Variants in CAPN5 observed in about 807,000 individuals in gnomAD.
CAPN5 encodes calpain-5.
CAPN5 carries 54 observed loss-of-function variants against 73.0 expected under a neutral mutation model. The ratio of observed to expected loss-of-function variants is 0.74; its 90% CI spans 0.59 to 0.93. The LOEUF is 0.93. Ranked by LOEUF, CAPN5 falls within the 40% of genes least tolerant of loss-of-function variation. The pLI is 0.00. For missense variants in CAPN5, 785 were observed against 882.9 expected (o/e 0.89, Z 1.41); for synonymous variants, 335 against 356.9 (o/e 0.94, Z 0.69).
intron 3 of CAPN5, among the ~76,000 whole-genome samples, chr11:77,105,012 G>A (rs971991058): frequency 3.3e-5 from 5 of 152,020 alleles, no homozygotes; most frequent in South Asian, 2.1e-4. Context: ...AAGAAGTCTC[G>A]GCCATTGCCT....
intron 3 of CAPN5, among the ~76,000 whole-genome samples, chr11:77,101,780 A>G (rs1332548378): frequency 6.6e-6 from 1 of 152,018 alleles, no homozygotes; most frequent in Non-Finnish European, 1.5e-5. Flanking sequence ...CTCCGGCTCC[A>G]CTCACACTCC....
intron 2 of CAPN5, among the ~76,000 whole-genome samples, chr11:77,086,917 G>A (rs1360041131): frequency 6.6e-6 from 1 of 152,182 alleles, no homozygotes; most frequent in Non-Finnish European, 1.5e-5. Context: ...TGCCCTTTCT[G>A]AGCCCCTTTC....
In CAPN5 at chr11:77,102,874, A is replaced by C. The variant is rs781885739; in HGVS notation, c.297+9061A>C. ...GACAGGCCGCAGCAGCCGCAGCTGGACATGCCGCTGGTCCTGGACCAGGGC... is the reference window on the plus strand; with the variant it reads ...GACAGGCCGCAGCAGCCGCAGCTGGCCATGCCGCTGGTCCTGGACCAGGGC... On this transcript the variant is annotated intron_variant, in intron 3 of 12. Transcript: ENST00000648180. 4 of 1,608,916 alleles carry C rather than the reference A, an allele frequency of 2.5e-6. No individual in the cohort carries two copies. In the African/African-American group the frequency reaches 5.3e-5, roughly 21 times the overall value.
In CAPN5 at chr11:77,124,038, G is replaced by A. The variant is rs1193449267; in HGVS notation, c.*168G>A. 2.2e-5 allele frequency: 14 copies of A among 645,570 alleles called. No homozygotes were observed. Among genetic ancestry groups the A allele is most frequent in the African/African-American group, 3.7e-5 (2 of 54,656 alleles). 40.0% of individuals were successfully genotyped at this position (645,570 alleles called of 1,614,324 possible). A position where few individuals can be genotyped will look rare whatever the true frequency, so the allele number is the denominator to read the frequency against. On this transcript the variant is annotated 3_prime_UTR_variant, in exon 13 of 13. Transcript: ENST00000648180. ...GCCCCTCTCTCAGCCTCAGTGTCCC[G>A]AGGGCCCCGAAGCATTCCATTCTCG...
chr11:77,114,825 T>A lies in CAPN5; in HGVS notation c.699+391T>A, dbSNP rs370852763. ...CAGCAAAGTAAAAAGCCCCGGTTTG[T>A]AGCATTTGCTAATTACTGTGGTGTA... On this transcript the variant is annotated intron_variant, in intron 5 of 12. Transcript: ENST00000648180. Among the ~76,000 whole-genome samples, 6 of 152,318 alleles carry A rather than the reference T, an allele frequency of 3.9e-5. No homozygotes were observed. In the East Asian group the frequency reaches 5.8e-4, roughly 15 times the overall value.
chr11:77,096,583 A>G (rs1324253071), intron 3 of CAPN5, among the ~76,000 whole-genome samples: 1 of 152,174 alleles, frequency 6.6e-6, no homozygotes, highest in Non-Finnish European at 1.5e-5. Flanking sequence ...TTGATGGTAC[A>G]TTCCCTGAGG....
At chr11:77,122,071 C>A (rs782553221) in intron 11 of CAPN5, 22 bp downstream of exon 11, 87 of 1,400,072 alleles carry the variant, frequency 6.2e-5, no homozygotes, top group Middle Eastern at 2.2e-4. Flanking sequence ...CAGGGAGAGT[C>A]CCCCGGCCCT....
chr11:77,084,371 A>G (rs1281883963), intron 1 of CAPN5, among the ~76,000 whole-genome samples: 1 of 152,288 alleles, frequency 6.6e-6, no homozygotes, highest in East Asian at 1.9e-4. Flanking sequence ...GAGAGAATGA[A>G]TGAATGATGC....
chr11:77,102,710 A>G, intron 3 of CAPN5: 1 of 1,099,004 alleles, frequency 9.1e-7, no homozygotes, highest in Non-Finnish European at 1.3e-6. Context: ...GGGAAGAGCC[A>G]GTGGCAAAGG....
intron 3 of CAPN5, chr11:77,102,993 G>C: frequency 1.2e-6 from 2 of 1,613,492 alleles, no homozygotes; most frequent in Non-Finnish European, 1.7e-6. Flanking sequence ...AGCGGAGTCT[G>C]TGTACCGCCT....
intron 5 of CAPN5, 30 bp downstream of exon 5, chr11:77,114,464 C>A (rs782083101): frequency 6.3e-7 from 1 of 1,591,596 alleles, no homozygotes; most frequent in Non-Finnish European, 8.6e-7. Context: ...CAGAGGCGAC[C>A]CCTCCCCTTC....
intron 8 of CAPN5, 93 bp downstream of exon 8, chr11:77,118,445 A>G: frequency 9.1e-7 from 1 of 1,101,546 alleles, no homozygotes; most frequent in Non-Finnish European, 1.3e-6. Context: ...ACCTTGGGTA[A>G]TCCCTGTCCT....
At chr11:77,097,464 GTTTTT>G (rs58077755) in intron 3 of CAPN5, among the ~76,000 whole-genome samples, 214 of 79,738 alleles carry the variant, frequency 2.7e-3, no homozygotes, top group African/African-American at 9.7e-3. Flanking sequence ...TTTCCTTCTA[GTTTTT>G]TTTTTTTTTT....
chr11:77,069,507 AAAG>A (rs1949880060), intron 1 of CAPN5, among the ~76,000 whole-genome samples: 1 of 152,116 alleles, frequency 6.6e-6, no homozygotes, highest in Non-Finnish European at 1.5e-5. Context: ...GCTTCCCCCA[AAAG>A]CTTCTAGCCC....
intron 2 of CAPN5, 76 bp downstream of exon 2, chr11:77,085,127 G>A (rs1045315223): frequency 2.2e-4 from 290 of 1,343,090 alleles, no homozygotes; most frequent in Non-Finnish European, 2.9e-4. Flanking sequence ...CAGGGACATC[G>A]GGGTGGTGGG....
rs1950524925 is a variant in CAPN5 at position 77,122,045 on chromosome 11, A to C, written c.1599A>C (p.Pro533=). The C allele has an allele frequency of 5.2e-6, 8 of 1,543,310 alleles. No homozygotes were observed. The highest frequency in any genetic ancestry group is 7.0e-6 in the Non-Finnish European group (8 of 1,141,810). ...GAGCTGCTGGCCTCAAGGACTCCCC[A>C]ACAGGTGAGCTCTCCCAGGGAGAGT... is the stretch of plus-strand genomic sequence containing the variant. The part of the protein sequence containing the change: ...VLGAAGLKDS[P]TGANSYVIIK... Residue 533 remains proline, a synonymous_variant, in exon 11 of 13, where the codon CCA becomes CCC. Transcript: ENST00000648180.
intron 3 of CAPN5, 151 bp from the exon 4 acceptor site, chr11:77,112,438 C>G: frequency 1.5e-6 from 1 of 652,692 alleles, no homozygotes; most frequent in Non-Finnish European, 2.7e-6. Flanking sequence ...AGGATTCATC[C>G]GGGTCTCACG....
At chr11:77,099,630 A>G (rs1422306074) in intron 3 of CAPN5, among the ~76,000 whole-genome samples, 4 of 150,266 alleles carry the variant, frequency 2.7e-5, no homozygotes, top group African/African-American at 9.8e-5. Flanking sequence ...GAGGCAGGAG[A>G]ATCAGGCAGG....
chr11:77,070,570 G>A (rs1333532999), intron 1 of CAPN5, among the ~76,000 whole-genome samples: 6 of 152,216 alleles, frequency 3.9e-5, no homozygotes, highest in Non-Finnish European at 8.8e-5. Flanking sequence ...CAGGAGAGGC[G>A]GGTGGGACCC....
Sources: allele counts gnomAD v4.1 joint callset (sites outside exome capture counted in the v4.1 genomes callset), GRCh38; gene constraint gnomAD v4.1.1; transcripts MANE v1.5; gene names NCBI Gene and HGNC (gene_info 2026-07-23, HGNC 2026-07-21).